VRK1: variants seen among roughly 807,000 people sequenced by gnomAD.
VRK1 encodes the protein VRK serine/threonine kinase 1.
VRK1 carries 33 observed loss-of-function variants against 57.1 expected under a neutral mutation model. The ratio of observed to expected loss-of-function variants is 0.58; its 90% confidence interval spans 0.44 to 0.77. The LOEUF (loss-of-function observed/expected upper bound fraction) is 0.77, where lower values mean the gene tolerates loss of function less well. Among genes scored for constraint, VRK1 ranks in the 30% least tolerant of loss-of-function variants. The pLI is 0.00. For missense variants in VRK1, 413 were observed against 477.3 expected, an observed-to-expected ratio of 0.87 and a Z score of 1.25; for synonymous variants, 137 against 147.8, an observed-to-expected ratio of 0.93 and a Z score of 0.53.
At chr14:96,799,413 A>T (rs1038643523) in intron 1 of VRK1, among the ~76,000 whole-genome samples, 2 of 152,182 alleles carry the variant, frequency 1.3e-5, no homozygotes, top group African/African-American at 4.8e-5. Context: ...AAAAAACAAG[A>T]TTTTAATTTT....
intron 7 of VRK1, among the ~76,000 whole-genome samples, chr14:96,854,594 A>G (rs1374107154): frequency 6.6e-6 from 1 of 152,198 alleles, no homozygotes; most frequent in Non-Finnish European, 1.5e-5. Context: ...AAGTATGTAT[A>G]TAATATTAAA....
At chr14:96,816,180 G>A (rs1886386102) in intron 1 of VRK1, among the ~76,000 whole-genome samples, 1 of 152,138 alleles carries the variant, frequency 6.6e-6, no homozygotes, top group East Asian at 1.9e-4. Flanking sequence ...AGCAGCCCCT[G>A]ATGTTCAGAA....
In VRK1 at chr14:96,856,117, C is replaced by T. The variant is rs374386994; in HGVS notation, c.710-13C>T. ...ATTTCAGTCTACCTAATGTTCTTCTCTTGCATTTGTAGCCCCATCAAGACG... is the reference window on the plus strand; with the variant it reads ...ATTTCAGTCTACCTAATGTTCTTCTTTTGCATTTGTAGCCCCATCAAGACG... On this transcript the variant is annotated splice_polypyrimidine_tract_variant and intron_variant, in intron 8 of 12. Coordinates refer to ENST00000216639, the MANE Select transcript of VRK1 (RefSeq NM_003384.3). 3.3e-5 allele frequency: 53 copies of T among 1,613,354 alleles called. 1 individual carries two copies. In the African/African-American group the frequency reaches 5.9e-4, roughly 18 times the overall value.
chr14:96,855,112 G>GA, intron 7 of VRK1, 112 bp from the exon 8 acceptor site: 1 of 1,481,088 alleles, frequency 6.8e-7, no homozygotes, highest in Non-Finnish European at 9.4e-7. Context: ...GTTATGGAAT[G>GA]ACCTTGTAGG....
chr14:96,860,454 A>T lies in VRK1; in HGVS notation c.890-103A>T. 1.2e-5 allele frequency: 13 copies of T among 1,112,974 alleles called. No individual in the cohort carries two copies. In the South Asian group the frequency reaches 2.0e-4, roughly 17 times the overall value. 68.9% of individuals were successfully genotyped at this position (1,112,974 alleles called of 1,614,324 possible). A position where few individuals can be genotyped will look rare whatever the true frequency, so the allele number is the denominator to read the frequency against. ...TGAAAAAAATAGGTATCTTAACAAG[A>T]TGTGTATTTGCATTCTAACTTTACT... On this transcript the variant is annotated intron_variant, in intron 10 of 12. Transcript: ENST00000216639.
At chr14:96,864,857 T>C (rs188952207) in intron 11 of VRK1, among the ~76,000 whole-genome samples, 2 of 152,130 alleles carry the variant, frequency 1.3e-5, no homozygotes, top group Non-Finnish European at 2.9e-5. Flanking sequence ...AACATTTTTG[T>C]ATGCCTGCCA....
At chr14:96,803,204 T>A (rs1421637714) in intron 1 of VRK1, among the ~76,000 whole-genome samples, 2 of 150,514 alleles carry the variant, frequency 1.3e-5, no homozygotes, top group Non-Finnish European at 3.0e-5. Context: ...AGGTCTCTTA[T>A]CTTGTCCCCC....
chr14:96,878,322 A>G (rs1889120832), intron 12 of VRK1, among the ~76,000 whole-genome samples: 1 of 152,170 alleles, frequency 6.6e-6, no homozygotes, highest in Non-Finnish European at 1.5e-5. Context: ...AATTTTTAAG[A>G]TATATAGTAC....
rs568102839 is a variant in VRK1 at position 96,806,916 on chromosome 14, T to C, written c.-6+9469T>C. 1.1e-3 allele frequency among the ~76,000 whole-genome samples: 173 copies of C among 151,826 alleles called. 1 individual carries two copies. The highest frequency in any genetic ancestry group is 4.1e-3 in the African/African-American group (168 of 41,376). Reference sequence around the variant, plus strand: ...ATCATAGCTCACTGCCACCTTGATTTCCTGGGAGCAAATGATCCTCCTCCT... The same window carrying C: ...ATCATAGCTCACTGCCACCTTGATTCCCTGGGAGCAAATGATCCTCCTCCT... On this transcript the variant is annotated intron_variant, in intron 1 of 12. Transcript: ENST00000216639.
At chr14:96,866,991 G>A (rs1192778488) in intron 11 of VRK1, among the ~76,000 whole-genome samples, 1 of 152,048 alleles carries the variant, frequency 6.6e-6, no homozygotes, top group African/African-American at 2.4e-5. Flanking sequence ...CTTTTCTCAC[G>A]AGTAAACAGA....
intron 12 of VRK1, among the ~76,000 whole-genome samples, chr14:96,878,326 ATAGTACAATTCAGT>A (rs1240690429): frequency 6.6e-6 from 1 of 152,196 alleles, no homozygotes; most frequent in Non-Finnish European, 1.5e-5. Flanking sequence ...TTTAAGATAT[ATAGTACAATTCAGT>A]GAACACTGTG....
rs749287879 is a variant in VRK1 at position 96,847,341 on chromosome 14, A to G, written c.371A>G (p.Lys124Arg). 6.2e-7 allele frequency: 1 copy of G among 1,612,700 alleles called. No homozygotes were observed. Among genetic ancestry groups the G allele is most frequent in the Non-Finnish European group, 8.5e-7 (1 of 1,178,800 alleles). Residue 124 changes from lysine to arginine, a missense_variant, in exon 5 of 13, where the codon AAA (lysine) becomes AGA (arginine). This residue lies in a region of VRK1 where 151 missense variants were observed against 225.5 expected (regional missense o/e 0.67). Coordinates refer to ENST00000216639, the MANE Select transcript of VRK1 (RefSeq NM_003384.3). ...TCTGGTCTACATGACAAAAATGGAA[A>G]AAGGTAAAAATATGTGTGATTTGTC... ...WGSGLHDKNG[K>R]SYRFMIMDRF... is the part of the protein sequence containing the mutation.
intron 11 of VRK1, among the ~76,000 whole-genome samples, chr14:96,864,880 CT>C (rs949737436): frequency 2.7e-5 from 4 of 148,992 alleles, no homozygotes; most frequent in Admixed American, 6.7e-5. Flanking sequence ...CTTGATAATC[CT>C]TTTTTTTTGG....
intron 11 of VRK1, among the ~76,000 whole-genome samples, chr14:96,871,305 G>A (rs1888812995): frequency 6.6e-6 from 1 of 152,152 alleles, no homozygotes; most frequent in Admixed American, 6.5e-5. Context: ...TATCTCCAGA[G>A]TAGGTAACTA....
chr14:96,856,312 A>G (rs1888152254), intron 9 of VRK1, 62 bp downstream of exon 9: 18 of 1,579,804 alleles, frequency 1.1e-5, no homozygotes, highest in Non-Finnish European at 1.6e-5. Flanking sequence ...TTTAGTCACA[A>G]TTTCTTGATA....
intron 1 of VRK1, among the ~76,000 whole-genome samples, chr14:96,803,060 T>A (rs117724729): frequency 0.018 from 2,680 of 152,314 alleles, 35 homozygotes; most frequent in Non-Finnish European, 0.028. Flanking sequence ...ACCAGCTAGT[T>A]AGTCACTCTT....
At chr14:96,828,720 A>G (rs1309920666) in intron 1 of VRK1, among the ~76,000 whole-genome samples, 1 of 152,196 alleles carries the variant, frequency 6.6e-6, no homozygotes, top group Non-Finnish European at 1.5e-5. Context: ...AAATAGCTCT[A>G]TATGAGTATG....
chr14:96,843,201 C>T (rs1887535983), intron 3 of VRK1, among the ~76,000 whole-genome samples: 1 of 152,142 alleles, frequency 6.6e-6, no homozygotes, highest in African/African-American at 2.4e-5. Context: ...TTGGATAATG[C>T]AAGGAGAAAG....
chr14:96,877,576 G>A (rs1304766810), intron 12 of VRK1: 4 of 1,289,384 alleles, frequency 3.1e-6, no homozygotes, highest in African/African-American at 3.0e-5. Flanking sequence ...CTATGACAGT[G>A]AGTGGGAACA....
Sources: gnomAD v4.1 joint callset for allele counts (sites outside exome capture counted in the v4.1 genomes callset) on GRCh38, gnomAD v4.1.1 for gene constraint, gnomAD v4.1.1 regional missense constraint, MANE v1.5 for transcripts, NCBI Gene and HGNC (gene_info 2026-07-23, HGNC 2026-07-21) for gene names.